The following FGF1 variants were observed in gnomAD, a reference collection of about 807,000 sequenced individuals.
FGF1 encodes beta-endothelial cell growth factor.
In FGF1, 9 loss-of-function variants were observed where a neutral mutation model predicts 13.4. That is an observed-to-expected ratio of 0.67 (90% CI 0.40 to 1.17). FGF1 has a LOEUF of 1.17. FGF1 is among the 50% of genes most tolerant of loss of function. The pLI, the probability that FGF1 is intolerant of heterozygous loss-of-function variation, is 0.01. For missense variants in FGF1, 156 were observed against 192.7 expected, an observed-to-expected ratio of 0.81 and a Z score of 1.13; for synonymous variants, 93 against 79.0, an observed-to-expected ratio of 1.18 and a Z score of -0.94.
chr5:142,633,193 G>A (rs1228944558), intron 1 of FGF1, among the ~76,000 whole-genome samples: 1 of 152,038 alleles, frequency 6.6e-6, no homozygotes, highest in African/African-American at 2.4e-5. Context: ...TACTGGGATA[G>A]GTTGTTTACT....
intron 1 of FGF1, among the ~76,000 whole-genome samples, chr5:142,663,375 A>C (rs1012122979): frequency 3.9e-5 from 6 of 152,246 alleles, no homozygotes; most frequent in African/African-American, 1.4e-4. Flanking sequence ...AAAAGGAGAA[A>C]GTGCCAAGTC....
chr5:142,664,446 G>A (rs10071646), intron 1 of FGF1, among the ~76,000 whole-genome samples: 2,934 of 152,304 alleles, frequency 0.019, 93 homozygotes, highest in African/African-American at 0.066. Flanking sequence ...TCTTTGGGAC[G>A]AATTAGATCG....
chr5:142,678,884 T>C (rs1174224283), intron 1 of FGF1, among the ~76,000 whole-genome samples: 1 of 152,144 alleles, frequency 6.6e-6, no homozygotes, highest in African/African-American at 2.4e-5. Context: ...CCATTGCAAA[T>C]TCCTAGAGCA....
At chr5:142,600,876 A>G (rs1207638939) in intron 2 of FGF1, 71 bp from the exon 3 acceptor site, 1 of 1,111,404 alleles carries the variant, frequency 9.0e-7, no homozygotes, top group South Asian at 1.4e-5. Flanking sequence ...GGCAGCCAGG[A>G]CAGTTGGCCA....
intron 2 of FGF1, among the ~76,000 whole-genome samples, chr5:142,610,987 G>T (rs1009727784): frequency 1.8e-4 from 27 of 152,176 alleles, no homozygotes; most frequent in African/African-American, 5.8e-4. Flanking sequence ...AAAGGCATAC[G>T]GTTCTATCTT....
At chr5:142,634,224 T>G (rs1597240362) in intron 1 of FGF1, among the ~76,000 whole-genome samples, 3 of 149,994 alleles carry the variant, frequency 2.0e-5, no homozygotes, top group Admixed American at 6.6e-5. Flanking sequence ...CTCCCTCTAG[T>G]GAAATCACCT....
intron 1 of FGF1, among the ~76,000 whole-genome samples, chr5:142,641,827 T>C (rs979035500): frequency 4.6e-5 from 7 of 151,330 alleles, no homozygotes; most frequent in Admixed American, 2.0e-4. Flanking sequence ...GAGAATCTTA[T>C]GATTCCATTT....
intron 2 of FGF1, among the ~76,000 whole-genome samples, chr5:142,604,399 T>G (rs1757222540): frequency 6.6e-6 from 1 of 152,182 alleles, no homozygotes; most frequent in Non-Finnish European, 1.5e-5. Context: ...GGGGCTAACT[T>G]TTATTGATCA....
intron 2 of FGF1, among the ~76,000 whole-genome samples, chr5:142,607,332 A>C (rs1338855446): frequency 1.3e-5 from 2 of 151,950 alleles, no homozygotes; most frequent in African/African-American, 4.8e-5. Flanking sequence ...AGGAGCAAGC[A>C]CTCTTCTTTA....
At chr5:142,623,560 G>A (rs1432280848) in intron 1 of FGF1, among the ~76,000 whole-genome samples, 1 of 151,930 alleles carries the variant, frequency 6.6e-6, no homozygotes, top group African/African-American at 2.4e-5. Flanking sequence ...TGTTGGCCAG[G>A]CTGGTCTCAA....
rs112733946 is a variant in FGF1 at position 142,667,741 on chromosome 5, G to A, written c.-35+18216C>T. Among the ~76,000 whole-genome samples, 97 of 152,256 alleles carry A rather than the reference G, an allele frequency of 6.4e-4. 1 individual carries two copies. Among genetic ancestry groups the A allele is most frequent in the African/African-American group, 2.1e-3 (88 of 41,558 alleles). On this transcript the variant is annotated intron_variant, in intron 1 of 3. Coordinates refer to ENST00000337706, the MANE Select transcript of FGF1 (RefSeq NM_000800.5). ...TGCTAAATATGCTGAAGGCCTCGGC[G>A]GGCTCTGAAAATTCCGAACTCTGGA...
At position 142,663,719 on chromosome 5, in the gene FGF1, G is replaced by A. The variant is rs1215421072; in HGVS notation, c.-35+22238C>T. Among the ~76,000 whole-genome samples, 7 of 152,160 alleles carry A rather than the reference G, an allele frequency of 4.6e-5. 1 individual carries two copies. Among genetic ancestry groups the A allele is most frequent in the Admixed American group, 2.6e-4 (4 of 15,268 alleles). On this transcript the variant is annotated intron_variant, in intron 1 of 3. Coordinates refer to ENST00000337706, the MANE Select transcript of FGF1 (RefSeq NM_000800.5). Reference sequence around the variant, plus strand: ...TTTTTTCCACACAGACAACCTCTTCGTTCCACCTCTCTCGCCCCAGATTTC... The same window carrying A: ...TTTTTTCCACACAGACAACCTCTTCATTCCACCTCTCTCGCCCCAGATTTC...
chr5:142,673,833 C>T (rs1771955341), intron 1 of FGF1, among the ~76,000 whole-genome samples: 1 of 152,208 alleles, frequency 6.6e-6, no homozygotes, highest in Non-Finnish European at 1.5e-5. Context: ...TTGCCTGACC[C>T]CTGCTACATC....
upstream of FGF1, among the ~76,000 whole-genome samples, chr5:142,689,061 T>C (rs982642143): frequency 6.6e-6 from 1 of 152,238 alleles, no homozygotes; most frequent in Admixed American, 6.5e-5. Context: ...TACATTTTTT[T>C]TCTCTCCAGG....
intron 1 of FGF1, among the ~76,000 whole-genome samples, chr5:142,634,195 G>GAA (rs1230194595): frequency 3.9e-5 from 4 of 102,416 alleles, no homozygotes; most frequent in Admixed American, 1.0e-4. Context: ...TCCATCTCAA[G>GAA]AAAAAAAAAA....
chr5:142,655,118 T>G (rs1421201491), intron 1 of FGF1, among the ~76,000 whole-genome samples: 2 of 152,200 alleles, frequency 1.3e-5, no homozygotes, highest in Non-Finnish European at 2.9e-5. Flanking sequence ...TTTCAAGAAG[T>G]TAGGAAGGAG....
chr5:142,633,206 T>C (rs1237689589), intron 1 of FGF1, among the ~76,000 whole-genome samples: 2 of 152,148 alleles, frequency 1.3e-5, no homozygotes, highest in African/African-American at 4.8e-5. Flanking sequence ...TGTTTACTCT[T>C]TATCACTATT....
At chr5:142,635,253 G>A (rs1391225444) in intron 1 of FGF1, among the ~76,000 whole-genome samples, 5 of 152,096 alleles carry the variant, frequency 3.3e-5, no homozygotes, top group African/African-American at 4.8e-5. Context: ...ACAGTACCTC[G>A]TAGGGTGTTG....
In FGF1 at chr5:142,600,731, T is replaced by C; in HGVS notation, c.244A>G (p.Met82Val). 2 of 1,613,814 alleles carry C rather than the reference T, an allele frequency of 1.2e-6. No homozygotes were observed. Among genetic ancestry groups the C allele is most frequent in the Non-Finnish European group, 1.7e-6 (2 of 1,179,726 alleles). ...CCGTATAAAAGCCCGTCGGTGTCCA[T>C]GGCCAAGTACTGGCCAGTCTCGGTA... ...KSTETGQYLA[M>V]DTDGLLYGSQ... Residue 82 changes from methionine (M) to valine (V), a missense_variant, in exon 3 of 4, where the codon ATG (methionine) becomes GTG (valine). Physicochemically the swap from Met to Val is conservative, Grantham distance 21 (BLOSUM62 1). Coordinates refer to ENST00000337706, the MANE Select transcript of FGF1 (RefSeq NM_000800.5).
Sources: gnomAD v4.1 joint callset for allele counts (sites outside exome capture counted in the v4.1 genomes callset) on GRCh38, gnomAD v4.1.1 for gene constraint, MANE v1.5 for transcripts, NCBI Gene and HGNC (gene_info 2026-07-23, HGNC 2026-07-21) for gene names.